NLRP14: variants seen among roughly 807,000 people sequenced by gnomAD.
The protein encoded by NLRP14 is NLR family pyrin domain containing 14.
In NLRP14, 105 loss-of-function variants were observed where a neutral mutation model predicts 94.7. The ratio of observed to expected loss-of-function variants is 1.11; its 90% confidence interval spans 0.95 to 1.30. The LOEUF is 1.30. Ranked by LOEUF, NLRP14 falls within the 50% of genes most tolerant of loss-of-function variation. The pLI is 0.00. For missense variants in NLRP14, 1,362 were observed against 1,254.1 expected (o/e 1.09, Z -1.30); for synonymous variants, 508 against 459.9 (o/e 1.10, Z -1.34).
Position 7,057,748 on chromosome 11 carries a change from T to A in NLRP14, c.2363T>A (p.Leu788Gln), listed in dbSNP as rs1249433991. The A allele has an allele frequency of 6.2e-7, 1 of 1,612,004 alleles. No homozygotes were observed. The highest frequency in any genetic ancestry group is 2.2e-5 in the East Asian group (1 of 44,846). ...AATGCTCTCATCAGAAGCCAGAGCC[T>A]GATATTTCTGAATCTGTCAACCAAT... ...ISNALIRSQS[L>Q]IFLNLSTNNL... The change falls in exon 7 of 12, where the codon CTG (leucine) becomes CAG (glutamine). Residue 788 changes from leucine (L) to glutamine (Q), a missense_variant. Leu to Gln is a moderately radical substitution (Grantham distance 113, BLOSUM62 -2). Transcript: ENST00000299481.
chr11:7,071,601 C>G (rs1589877200), downstream of NLRP14, among the ~76,000 whole-genome samples: 1 of 146,480 alleles, frequency 6.8e-6, no homozygotes, highest in Admixed American at 6.9e-5. Flanking sequence ...CTGGAGGATG[C>G]AGACAGGGAA....
chr11:7,043,866 C>T lies in NLRP14; in HGVS notation c.1840C>T (p.His614Tyr), dbSNP rs756458906. 3 of 1,614,026 alleles carry T rather than the reference C, an allele frequency of 1.9e-6. No homozygotes were observed. The highest frequency in any genetic ancestry group is 2.2e-5 in the South Asian group (2 of 91,090). Residue 614 changes from histidine (H) to tyrosine (Y), a missense_variant, in exon 4 of 12, where the codon CAT becomes TAT. By Grantham distance (83) the His-to-Tyr change is moderately conservative. Transcript: ENST00000299481. The part of the protein sequence containing the change: ...KVAINICEKI[H>Y]LLVSSFCLKH... ...TGCCATTAATATTTGTGAGAAAATACATTTGCTTGTATCTTCTTTCTGCCT... is the reference window on the plus strand; with the variant it reads ...TGCCATTAATATTTGTGAGAAAATATATTTGCTTGTATCTTCTTTCTGCCT...
chr11:7,059,950 T>C lies in NLRP14; in HGVS notation c.2690T>C (p.Leu897Pro), dbSNP rs768724978. Residue 897 changes from leucine (L) to proline (P), a missense_variant, in exon 9 of 12, where the codon CTA becomes CCA. Transcript: ENST00000299481. The part of the protein sequence containing the change: ...LSSEYLSTSL[L>P]HNKSLTHLDL... ...AGTGAATATCTGTCAACTTCTCTTC[T>C]ACACAACAAGAGCCTGACGCATCTG... 1.8e-5 allele frequency: 29 copies of C among 1,612,642 alleles called. No homozygotes were observed. The highest frequency in any genetic ancestry group is 1.6e-4 in the Middle Eastern group (1 of 6,078).
At chr11:7,039,602 C>T in intron 2 of NLRP14, 112 bp from the exon 3 acceptor site, 2 of 879,718 alleles carry the variant, frequency 2.3e-6, no homozygotes, top group Non-Finnish European at 3.9e-6. Flanking sequence ...TTCTTAAACC[C>T]AGATAGTCAT....
At chr11:7,030,567 A>G (rs1852076771) in intron 1 of NLRP14, among the ~76,000 whole-genome samples, 1 of 147,582 alleles carries the variant, frequency 6.8e-6, no homozygotes, top group Non-Finnish European at 1.5e-5. Context: ...GATTTTCTCC[A>G]TAGCAATGAT....
intron 1 of NLRP14, among the ~76,000 whole-genome samples, chr11:7,032,618 C>T (rs1852113975): frequency 6.6e-6 from 1 of 151,984 alleles, no homozygotes; most frequent in Non-Finnish European, 1.5e-5. Context: ...TCATTTTGTT[C>T]TTTGAGAAGG....
At chr11:7,071,123 G>C (rs377618455) in intron 11 of NLRP14, 50 bp from the exon 12 acceptor site, 1 of 1,606,644 alleles carries the variant, frequency 6.2e-7, no homozygotes, top group African/African-American at 1.3e-5. Context: ...AAAGTGGAGG[G>C]CTGTAGGGAA....
At chr11:7,090,191 C>A in the NLRP14 span, 2 of 1,613,218 alleles carry the variant, frequency 1.2e-6, no homozygotes, top group Non-Finnish European at 1.7e-6. Flanking sequence ...TGGAAAGGGG[C>A]TGCCCTCCCC....
intron 6 of NLRP14, among the ~76,000 whole-genome samples, chr11:7,050,917 C>G (rs1029606421): frequency 2.0e-5 from 3 of 152,070 alleles, no homozygotes; most frequent in Non-Finnish European, 4.4e-5. Context: ...TTTCCTATAT[C>G]TAAAAATAAA....
chr11:7,062,251 A>G (rs1014647493), intron 9 of NLRP14, 82 bp from the exon 10 acceptor site: 82 of 1,182,800 alleles, frequency 6.9e-5, no homozygotes, highest in Middle Eastern at 4.0e-4. Context: ...AAGAGGTTCA[A>G]ATACCTGGGT....
chr11:7,056,529 A>AAG (rs1006654374), intron 6 of NLRP14, among the ~76,000 whole-genome samples: 1 of 151,320 alleles, frequency 6.6e-6, no homozygotes, highest in African/African-American at 2.4e-5. Flanking sequence ...AAAAAAAAAA[A>AAG]AAAGAAATCT....
chr11:7,063,766 G>GTGA, intron 10 of NLRP14, among the ~76,000 whole-genome samples: 1 of 152,190 alleles, frequency 6.6e-6, no homozygotes, highest in South Asian at 2.1e-4. Context: ...CTCCAAGCAT[G>GTGA]TGATGAGCCC....
intron 10 of NLRP14, among the ~76,000 whole-genome samples, chr11:7,067,364 C>T (rs1392334611): frequency 1.3e-5 from 2 of 152,000 alleles, no homozygotes; most frequent in Non-Finnish European, 2.9e-5. Flanking sequence ...TGTTTGTGTC[C>T]TCTGTTATTT....
chr11:7,071,347 A>C lies in NLRP14; in HGVS notation c.*39A>C. The C allele has an allele frequency of 6.5e-7, 1 of 1,536,554 alleles. No individual in the cohort carries two copies. The highest frequency in any genetic ancestry group is 8.9e-7 in the Non-Finnish European group (1 of 1,119,378). On this transcript the variant is annotated 3_prime_UTR_variant, in exon 12 of 12. Coordinates refer to ENST00000299481, the MANE Select transcript of NLRP14 (RefSeq NM_176822.4). ...ACATTCCTTTAAAAATATAAATATA[A>C]ATACATACATACATAGATATATACC...
rs139987646 is a variant in NLRP14, at chr11:7,061,741, A to T, written c.2805-592A>T. On this transcript the variant is annotated intron_variant, in intron 9 of 11. Transcript: ENST00000299481. ...ATGATGAAGATTCTGTTATGTGGGG[A>T]TATGCTAAACAGAAGGAAAGGAGAG... Among the ~76,000 whole-genome samples, 382 of 152,174 alleles carry T rather than the reference A, an allele frequency of 2.5e-3. 2 individuals are homozygous for T. Among genetic ancestry groups the T allele is most frequent in the African/African-American group, 9.0e-3 (376 of 41,554 alleles).
At chr11:7,035,412 T>G (rs1852147818) in intron 1 of NLRP14, among the ~76,000 whole-genome samples, 1 of 152,194 alleles carries the variant, frequency 6.6e-6, no homozygotes. Context: ...CTGGGGTCAT[T>G]TGGCAATATC....
chr11:7,020,920 A>G (rs1048458877), intron 1 of NLRP14, 150 bp downstream of exon 1: 2 of 152,368 alleles, frequency 1.3e-5, no homozygotes, highest in African/African-American at 4.8e-5. Flanking sequence ...TGGAGCTGAA[A>G]TGAAGCCATG....
chr11:7,063,989 C>G (rs1161073817), intron 10 of NLRP14, among the ~76,000 whole-genome samples: 1 of 152,144 alleles, frequency 6.6e-6, no homozygotes, highest in Non-Finnish European at 1.5e-5. Flanking sequence ...GCAGTCCACT[C>G]TTCCCCACAT....
At chr11:7,044,016 C>T in intron 4 of NLRP14, 32 bp downstream of exon 4, 1 of 1,603,904 alleles carries the variant, frequency 6.2e-7, no homozygotes, top group Non-Finnish European at 8.5e-7. Context: ...CCTGGAAGTG[C>T]CCTGTAAGGG....
Sources: allele counts gnomAD v4.1 joint callset (sites outside exome capture counted in the v4.1 genomes callset), GRCh38; gene constraint gnomAD v4.1.1; transcripts MANE v1.5; gene names NCBI Gene and HGNC (gene_info 2026-07-23, HGNC 2026-07-21).